SYT1: variants seen among roughly 807,000 people sequenced by gnomAD.
SYT1 encodes synaptotagmin-1.
In SYT1, 8 loss-of-function variants were observed where a neutral mutation model predicts 44.8. That is an observed-to-expected ratio of 0.18 (90% CI 0.10 to 0.32). The LOEUF is 0.32. Among genes scored for constraint, SYT1 ranks in the 10% least tolerant of loss-of-function variants. SYT1 has a pLI of 1.00. For missense variants in SYT1, 286 were observed against 509.3 expected, an observed-to-expected ratio of 0.56 and a Z score of 4.22; for synonymous variants, 154 against 188.8, an observed-to-expected ratio of 0.82 and a Z score of 1.51.
chr12:79,058,880 T>C (rs944021585), intron 3 of SYT1, among the ~76,000 whole-genome samples: 2 of 152,056 alleles, frequency 1.3e-5, no homozygotes, highest in South Asian at 2.1e-4. Flanking sequence ...AGTTTCTTTA[T>C]TTTAATACAT....
intron 8 of SYT1, among the ~76,000 whole-genome samples, chr12:79,308,786 C>G (rs1880611513): frequency 6.6e-6 from 1 of 152,194 alleles, no homozygotes; most frequent in African/African-American, 2.4e-5. Context: ...ATACTGCACA[C>G]CTGAAACACC....
rs75539002 is a variant in SYT1 at position 79,097,195 on chromosome 12, G to T, written c.-18+49833G>T. Among the ~76,000 whole-genome samples, 967 of 152,036 alleles carry T rather than the reference G, an allele frequency of 6.4e-3. 7 individuals are homozygous for T. The highest frequency in any genetic ancestry group is 0.022 in the African/African-American group (917 of 41,514). On this transcript the variant is annotated intron_variant, in intron 3 of 10. Coordinates refer to ENST00000261205, the MANE Select transcript of SYT1 (RefSeq NM_005639.3). Reference sequence around the variant, plus strand: ...GATGTAATTACTAAAAGTAGAAGAGGTAGAGTGAAAAGGGACATGGGATGA... The same window carrying T: ...GATGTAATTACTAAAAGTAGAAGAGTTAGAGTGAAAAGGGACATGGGATGA...
intron 1 of SYT1, among the ~76,000 whole-genome samples, chr12:78,876,461 G>GTTTTTTTTTTTT (rs1491347037): frequency 3.3e-5 from 1 of 30,214 alleles, no homozygotes; most frequent in Non-Finnish European, 1.2e-4. Flanking sequence ...GAAAATGGAG[G>GTTTTTTTTTTTT]TGTTTTTTTT....
intron 3 of SYT1, among the ~76,000 whole-genome samples, chr12:79,208,847 A>G (rs559581183): frequency 2.0e-5 from 3 of 152,314 alleles, no homozygotes; most frequent in African/African-American, 7.2e-5. Flanking sequence ...GCCCAGTTAT[A>G]TTCAATTTGC....
intron 4 of SYT1, among the ~76,000 whole-genome samples, chr12:79,226,246 A>G (rs1056241042): frequency 6.6e-6 from 1 of 152,188 alleles, no homozygotes; most frequent in African/African-American, 2.4e-5. Flanking sequence ...TTGAAAATGT[A>G]ATTGTTTCTT....
intron 4 of SYT1, among the ~76,000 whole-genome samples, chr12:79,221,138 T>C (rs1477676254): frequency 6.6e-6 from 1 of 152,190 alleles, no homozygotes; most frequent in Non-Finnish European, 1.5e-5. Flanking sequence ...ATTATTATAT[T>C]CTCTTGCTGA....
At chr12:78,876,891 TATATATTATATATTA>T (rs1874189471) in intron 1 of SYT1, among the ~76,000 whole-genome samples, 1 of 15,698 alleles carries the variant, frequency 6.4e-5, no homozygotes. Flanking sequence ...TTATATATAA[TATATATTATATATTA>T]TATGTATTAT....
chr12:78,885,818 G>A (rs560201222), intron 1 of SYT1, among the ~76,000 whole-genome samples: 13 of 152,106 alleles, frequency 8.5e-5, no homozygotes, highest in African/African-American at 3.1e-4. Flanking sequence ...TATTTTTAAG[G>A]ATCATTGAGA....
chr12:79,398,145 G>T (rs552255404), intron 9 of SYT1, among the ~76,000 whole-genome samples: 1 of 152,156 alleles, frequency 6.6e-6, no homozygotes, highest in Non-Finnish European at 1.5e-5. Context: ...AGTATGAAAG[G>T]CCAGTCTGAT....
chr12:78,871,135 C>T (rs897717724), intron 1 of SYT1, among the ~76,000 whole-genome samples: 2 of 151,968 alleles, frequency 1.3e-5, no homozygotes, highest in African/African-American at 4.8e-5. Flanking sequence ...CTTTCAAAAT[C>T]CATCTGTGTC....
chr12:79,170,014 C>G (rs943529533), intron 3 of SYT1, among the ~76,000 whole-genome samples: 4 of 152,098 alleles, frequency 2.6e-5, no homozygotes, highest in African/African-American at 9.7e-5. Flanking sequence ...CATGTCTCTG[C>G]AAAGGACATG....
intron 8 of SYT1, among the ~76,000 whole-genome samples, chr12:79,346,464 A>G (rs1409803742): frequency 6.6e-6 from 1 of 152,186 alleles, no homozygotes; most frequent in African/African-American, 2.4e-5. Flanking sequence ...CCACCTAGTG[A>G]TCAAGGCAAT....
chr12:78,985,228 C>T (rs980232438), intron 2 of SYT1, among the ~76,000 whole-genome samples: 2 of 151,618 alleles, frequency 1.3e-5, no homozygotes, highest in African/African-American at 4.8e-5. Flanking sequence ...ACTGTATTAC[C>T]TCCCAATTCT....
intron 9 of SYT1, among the ~76,000 whole-genome samples, chr12:79,375,788 T>C (rs1239042102): frequency 2.0e-5 from 3 of 152,136 alleles, no homozygotes; most frequent in Admixed American, 2.0e-4. Context: ...TGGGGCCATG[T>C]CATCATCCAT....
intron 1 of SYT1, among the ~76,000 whole-genome samples, chr12:78,879,248 TG>T (rs1019085910): frequency 6.6e-6 from 1 of 151,734 alleles, no homozygotes; most frequent in Non-Finnish European, 1.5e-5. Context: ...TGAGTGACTT[TG>T]GGGTTATGTT....
At chr12:78,952,114 G>A (rs551594846) in intron 1 of SYT1, among the ~76,000 whole-genome samples, 2 of 152,136 alleles carry the variant, frequency 1.3e-5, no homozygotes, top group South Asian at 4.2e-4. Context: ...TACATTAGCC[G>A]CATCTGTAAC....
intron 4 of SYT1, among the ~76,000 whole-genome samples, chr12:79,269,110 A>C (rs1182543425): frequency 1.3e-5 from 2 of 150,658 alleles, no homozygotes; most frequent in East Asian, 3.9e-4. Flanking sequence ...TTTTTATTGA[A>C]TATCAATAAA....
intron 2 of SYT1, among the ~76,000 whole-genome samples, chr12:79,037,728 C>T (rs1873228700): frequency 6.6e-6 from 1 of 151,786 alleles, no homozygotes; most frequent in South Asian, 2.1e-4. Flanking sequence ...CATACTGTTC[C>T]TACCAGCAAC....
Position 79,397,226 on chromosome 12 carries a change from G to C in SYT1, c.928+43607G>C, listed in dbSNP as rs148320179. On this transcript the variant is annotated intron_variant, in intron 9 of 10. Transcript: ENST00000261205. ...AGTTGCACCAGGGAACTAGCCATCA[G>C]AGATTTTGTTTTATTTTGTTTGAGA... is the stretch of plus-strand genomic sequence containing the variant. 1.3e-3 allele frequency among the ~76,000 whole-genome samples: 205 copies of C among 152,214 alleles called. 2 individuals are homozygous for C. Among genetic ancestry groups the C allele is most frequent in the African/African-American group, 4.7e-3 (195 of 41,540 alleles).
Sources: allele counts gnomAD v4.1 joint callset (sites outside exome capture counted in the v4.1 genomes callset), GRCh38; gene constraint gnomAD v4.1.1; transcripts MANE v1.5; gene names NCBI Gene and HGNC (gene_info 2026-07-23, HGNC 2026-07-21).